The following OSBPL8 variants were observed in gnomAD, a reference collection of about 807,000 sequenced individuals.
OSBPL8 encodes oxysterol-binding protein-related protein 8.
OSBPL8 carries 59 observed loss-of-function variants against 125.5 expected under a neutral mutation model. The ratio of observed to expected loss-of-function variants is 0.47; its 90% CI spans 0.38 to 0.58. The LOEUF is 0.58. Ranked by LOEUF, OSBPL8 falls within the 20% of genes least tolerant of loss-of-function variation. The pLI is 0.00. For synonymous variants in OSBPL8, 330 were observed against 338.9 expected (o/e 0.97, Z 0.29); for missense variants, 758 against 1,047.8 (o/e 0.72, Z 3.82).
At chr12:76,483,876 T>C (rs1592765000) in intron 2 of OSBPL8, among the ~76,000 whole-genome samples, 1 of 151,868 alleles carries the variant, frequency 6.6e-6, no homozygotes, top group African/African-American at 2.4e-5. Context: ...GGTTTCACCA[T>C]GTTGGCCAGG....
chr12:76,358,271 C>T (rs763809403), intron 22 of OSBPL8, among the ~76,000 whole-genome samples: 16 of 147,206 alleles, frequency 1.1e-4, no homozygotes, highest in Non-Finnish European at 9.0e-5. Context: ...CTTCCATCTC[C>T]GGGGTTCAAG....
chr12:76,394,757 G>T, intron 8 of OSBPL8, 28 bp from the exon 9 acceptor site: 1 of 1,485,280 alleles, frequency 6.7e-7, no homozygotes, highest in Non-Finnish European at 9.3e-7. Flanking sequence ...CAAAATAAAT[G>T]GTATAGAGTA....
At chr12:76,538,721 G>A (rs951817793) in intron 1 of OSBPL8, among the ~76,000 whole-genome samples, 7 of 152,078 alleles carry the variant, frequency 4.6e-5, no homozygotes, top group African/African-American at 9.7e-5. Flanking sequence ...GCCAAGGCAG[G>A]CAGATCACTA....
chr12:76,536,257 C>A (rs1323182753), intron 1 of OSBPL8, among the ~76,000 whole-genome samples: 1 of 151,820 alleles, frequency 6.6e-6, no homozygotes, highest in Non-Finnish European at 1.5e-5. Context: ...GAAGGCGAGT[C>A]GGGCAGATCA....
At chr12:76,461,242 G>A (rs1248572665) in intron 2 of OSBPL8, among the ~76,000 whole-genome samples, 2 of 152,076 alleles carry the variant, frequency 1.3e-5, no homozygotes, top group African/African-American at 4.8e-5. Context: ...GTCTCTTCTG[G>A]GATTAGATTA....
At chr12:76,539,518 T>C (rs1274267129) in intron 1 of OSBPL8, among the ~76,000 whole-genome samples, 1 of 152,026 alleles carries the variant, frequency 6.6e-6, no homozygotes, top group Non-Finnish European at 1.5e-5. Context: ...CAAAATAACA[T>C]CAGCAACTTA....
intron 21 of OSBPL8, among the ~76,000 whole-genome samples, chr12:76,362,269 C>T (rs1326379264): frequency 6.7e-6 from 1 of 150,338 alleles, no homozygotes; most frequent in Non-Finnish European, 1.5e-5. Flanking sequence ...TGATGAACAT[C>T]GATGCAAAAA....
intron 1 of OSBPL8, among the ~76,000 whole-genome samples, chr12:76,498,342 C>G (rs1565946323): frequency 6.6e-6 from 1 of 152,182 alleles, no homozygotes; most frequent in African/African-American, 2.4e-5. Flanking sequence ...CTGTACATAA[C>G]AGTATTAATT....
At chr12:76,530,596 C>T (rs1950308927) in intron 1 of OSBPL8, among the ~76,000 whole-genome samples, 1 of 152,022 alleles carries the variant, frequency 6.6e-6, no homozygotes, top group African/African-American at 2.4e-5. Flanking sequence ...TTGTTTATAT[C>T]CCCACATGTA....
chr12:76,363,531 A>T (rs1298563993), intron 21 of OSBPL8, among the ~76,000 whole-genome samples: 1 of 152,254 alleles, frequency 6.6e-6, no homozygotes, highest in African/African-American at 2.4e-5. Context: ...AAAGACTTAA[A>T]CATAAGACCT....
intron 4 of OSBPL8, among the ~76,000 whole-genome samples, chr12:76,418,930 C>T (rs1470332151): frequency 6.6e-6 from 1 of 151,712 alleles, no homozygotes; most frequent in Non-Finnish European, 1.5e-5. Context: ...ATAATGGATT[C>T]ACCTCTTATA....
chr12:76,375,265 C>T lies in OSBPL8; in HGVS notation c.1827+8G>A. On this transcript the variant is annotated splice_region_variant and intron_variant, in intron 17 of 23. Transcript: ENST00000261183. Reference sequence around the variant, plus strand: ...AGCTAGGTGATACCTACTGTATTGTCTACTAACCTTTAGTTTAAATTCAAG... The same window carrying T: ...AGCTAGGTGATACCTACTGTATTGTTTACTAACCTTTAGTTTAAATTCAAG... The T allele has an allele frequency of 6.4e-7, 1 of 1,571,670 alleles. No individual in the cohort carries two copies. Among genetic ancestry groups the T allele is most frequent in the South Asian group, 1.1e-5 (1 of 90,026 alleles).
At chr12:76,485,930 A>G in intron 2 of OSBPL8, 1 of 320,630 alleles carries the variant, frequency 3.1e-6, no homozygotes, top group East Asian at 8.4e-5. Context: ...AGTCCATTAG[A>G]TATAAAAAAA....
intron 1 of OSBPL8, among the ~76,000 whole-genome samples, chr12:76,518,754 C>A (rs1319638074): frequency 6.6e-6 from 1 of 152,222 alleles, no homozygotes; most frequent in Non-Finnish European, 1.5e-5. Flanking sequence ...AAAGAAGCAG[C>A]CCAAGCTGTA....
At chr12:76,422,797 G>C (rs1381744723) in intron 4 of OSBPL8, 1 of 284,494 alleles carries the variant, frequency 3.5e-6, no homozygotes, top group Non-Finnish European at 7.3e-6. Context: ...CAAAGGAGAA[G>C]GACCAAAGAC....
intron 23 of OSBPL8, 89 bp downstream of exon 23, chr12:76,356,537 A>C: frequency 2.6e-6 from 2 of 773,854 alleles, no homozygotes; most frequent in Non-Finnish European, 4.1e-6. Context: ...TGTTATAAAA[A>C]TATGAAGTCT....
chr12:76,461,270 C>T (rs1487293867), intron 2 of OSBPL8, among the ~76,000 whole-genome samples: 1 of 152,056 alleles, frequency 6.6e-6, no homozygotes, highest in Non-Finnish European at 1.5e-5. Context: ...ACTGTGACTC[C>T]CATCTTGCAT....
chr12:76,521,178 AAC>A (rs1882032793), intron 1 of OSBPL8, among the ~76,000 whole-genome samples: 1 of 152,228 alleles, frequency 6.6e-6, no homozygotes, highest in African/African-American at 2.4e-5. Flanking sequence ...AACTGTTCAA[AAC>A]ACATACCTTG....
intron 5 of OSBPL8, among the ~76,000 whole-genome samples, chr12:76,404,714 T>TA (rs1356884208): frequency 6.6e-6 from 1 of 152,226 alleles, no homozygotes; most frequent in Non-Finnish European, 1.5e-5. Flanking sequence ...CTAGCTTACT[T>TA]TATTGTAAGA....
Sources: gnomAD v4.1 joint callset for allele counts (sites outside exome capture counted in the v4.1 genomes callset) on GRCh38, gnomAD v4.1.1 for gene constraint, MANE v1.5 for transcripts, NCBI Gene and HGNC (gene_info 2026-07-23, HGNC 2026-07-21) for gene names.